COL22A1: variants seen among roughly 807,000 people sequenced by gnomAD.
COL22A1 encodes collagen alpha-1(XXII) chain.
A neutral mutation model predicts 248.9 loss-of-function variants in COL22A1; 221 were observed. The observed-to-expected ratio is 0.89, with a 90% CI of 0.80 to 0.99. The LOEUF (loss-of-function observed/expected upper bound fraction) is 0.99, where lower values mean the gene tolerates loss of function less well. Among genes scored for constraint, COL22A1 ranks in the 50% least tolerant of loss-of-function variants. COL22A1 has a pLI of 0.00. For missense variants in COL22A1, 2,240 were observed against 2,179.0 expected (o/e 1.03, Z -0.56); for synonymous variants, 891 against 793.4 (o/e 1.12, Z -2.07).
chr8:138,829,716 A>G (rs1035687355), intron 5 of COL22A1, among the ~76,000 whole-genome samples: 7 of 152,206 alleles, frequency 4.6e-5, no homozygotes, highest in Non-Finnish European at 1.0e-4. Context: ...CTAGGATTAC[A>G]GACATGAGCC....
chr8:138,777,064 G>T (rs771256713), intron 15 of COL22A1, among the ~76,000 whole-genome samples: 10 of 152,202 alleles, frequency 6.6e-5, no homozygotes, highest in Non-Finnish European at 1.3e-4. Context: ...CGCAGGGTAG[G>T]GACCTCCAGG....
chr8:138,602,919 T>G (rs922587421), intron 59 of COL22A1, among the ~76,000 whole-genome samples: 4 of 152,226 alleles, frequency 2.6e-5, no homozygotes, highest in African/African-American at 9.7e-5. Flanking sequence ...CTAACTTTCT[T>G]TCTCCCCAGA....
intron 31 of COL22A1, among the ~76,000 whole-genome samples, chr8:138,702,724 A>G: frequency 6.6e-6 from 1 of 152,236 alleles, no homozygotes; most frequent in East Asian, 1.9e-4. Context: ...ATGCACCAGA[A>G]ACTCTGCCAA....
chr8:138,677,311 C>T (rs1457180284), intron 40 of COL22A1, among the ~76,000 whole-genome samples: 1 of 152,228 alleles, frequency 6.6e-6, no homozygotes, highest in East Asian at 1.9e-4. Flanking sequence ...AGATGTTGTG[C>T]TCACTCTATG....
At chr8:138,740,479 G>C (rs1162018019) in intron 22 of COL22A1, among the ~76,000 whole-genome samples, 2 of 152,150 alleles carry the variant, frequency 1.3e-5, no homozygotes, top group African/African-American at 4.8e-5. Context: ...CGCTTCCTGA[G>C]CTGACCCCAG....
chr8:138,891,520 C>T (rs759928413), intron 1 of COL22A1, among the ~76,000 whole-genome samples: 1 of 152,168 alleles, frequency 6.6e-6, no homozygotes. Flanking sequence ...ACTTTAAGGG[C>T]TTTATAAATA....
chr8:138,611,752 T>C (rs1435643678), intron 56 of COL22A1, among the ~76,000 whole-genome samples: 1 of 152,190 alleles, frequency 6.6e-6, no homozygotes, highest in Non-Finnish European at 1.5e-5. Flanking sequence ...TGTGGCCCCA[T>C]CAGGGGAGAC....
At chr8:138,821,013 G>T in intron 7 of COL22A1, 123 bp downstream of exon 7, 2 of 1,071,160 alleles carry the variant, frequency 1.9e-6, no homozygotes, top group South Asian at 1.6e-5. Flanking sequence ...CTTCTAAGAC[G>T]GTCCAAGGTG....
At position 138,833,326 on chromosome 8, in the gene COL22A1, G is replaced by A. The variant is rs144827901; in HGVS notation, c.734-176C>T. 1.2e-4 allele frequency among the ~76,000 whole-genome samples: 19 copies of A among 152,362 alleles called. No homozygotes were observed. In the East Asian group the frequency reaches 3.1e-3, roughly 25 times the overall value. On this transcript the variant is annotated intron_variant, in intron 4 of 64. Coordinates refer to ENST00000303045, the MANE Select transcript of COL22A1 (RefSeq NM_152888.3). ...GAAAACACAAGCACCCGAGTAATGG[G>A]ACGTATAGCCTTGGCTTCAACTCCA... is the stretch of plus-strand genomic sequence containing the variant.
intron 3 of COL22A1, among the ~76,000 whole-genome samples, chr8:138,873,912 G>A (rs1823529181): frequency 6.6e-6 from 1 of 152,138 alleles, no homozygotes; most frequent in Non-Finnish European, 1.5e-5. Flanking sequence ...AAAAAACCCT[G>A]ATATTTTTAG....
At chr8:138,843,743 A>C (rs1821046000) in intron 4 of COL22A1, among the ~76,000 whole-genome samples, 2 of 152,134 alleles carry the variant, frequency 1.3e-5, no homozygotes, top group African/African-American at 4.8e-5. Flanking sequence ...TCACTCCAAA[A>C]CACATTTATT....
At chr8:138,710,612 T>TAG (rs1198748486) in intron 30 of COL22A1, among the ~76,000 whole-genome samples, 102 of 140,200 alleles carry the variant, frequency 7.3e-4, no homozygotes, top group African/African-American at 2.3e-3. Context: ...TCTATCTATA[T>TAG]ATATATATCT....
At chr8:138,732,002 G>A (rs1830747085) in intron 23 of COL22A1, among the ~76,000 whole-genome samples, 1 of 152,136 alleles carries the variant, frequency 6.6e-6, no homozygotes, top group Non-Finnish European at 1.5e-5. Context: ...TTACCTCACT[G>A]GTAAGTTTCC....
intron 62 of COL22A1, 33 bp from the exon 63 acceptor site, chr8:138,594,232 A>G: frequency 6.4e-7 from 1 of 1,551,118 alleles, no homozygotes; most frequent in East Asian, 2.5e-5. Flanking sequence ...CATTTCATGA[A>G]GAACAGATAG....
At chr8:138,838,333 C>T (rs1227694009) in intron 4 of COL22A1, among the ~76,000 whole-genome samples, 1 of 152,070 alleles carries the variant, frequency 6.6e-6, no homozygotes, top group African/African-American at 2.4e-5. Flanking sequence ...CACACACTCA[C>T]TGAGGGATGA....
In COL22A1 at chr8:138,727,162, C is replaced by T. The variant is rs193293936; in HGVS notation, c.2140-1722G>A. Among the ~76,000 whole-genome samples, 7 of 152,254 alleles carry T rather than the reference C, an allele frequency of 4.6e-5. No homozygotes were observed. In the East Asian group the frequency reaches 1.2e-3, roughly 25 times the overall value. On this transcript the variant is annotated intron_variant, in intron 23 of 64. Coordinates refer to ENST00000303045, the MANE Select transcript of COL22A1 (RefSeq NM_152888.3). ...TTCTAAAGGGTAGTGCTCTTCCAAGCGAGTTCACCACGCCCTCCTCCCTCA... is the reference window on the plus strand; with the variant it reads ...TTCTAAAGGGTAGTGCTCTTCCAAGTGAGTTCACCACGCCCTCCTCCCTCA...
chr8:138,618,229 C>T (rs1056732399), intron 53 of COL22A1, among the ~76,000 whole-genome samples: 2 of 152,202 alleles, frequency 1.3e-5, no homozygotes, highest in Non-Finnish European at 2.9e-5. Flanking sequence ...ATCAAGGTCA[C>T]AAAGTCAATA....
At chr8:138,596,843 A>G in intron 62 of COL22A1, 61 bp downstream of exon 62, 1 of 1,483,846 alleles carries the variant, frequency 6.7e-7, no homozygotes, top group Non-Finnish European at 9.4e-7. Context: ...TTCAAGGCTG[A>G]GTGAGAGAAC....
chr8:138,765,528 C>T (rs1023156868), intron 16 of COL22A1, among the ~76,000 whole-genome samples: 5 of 152,170 alleles, frequency 3.3e-5, no homozygotes, highest in Non-Finnish European at 7.3e-5. Flanking sequence ...TAGGCTGAGG[C>T]GGACATCCGG....
Sources: gnomAD v4.1 joint callset for allele counts (sites outside exome capture counted in the v4.1 genomes callset) on GRCh38, gnomAD v4.1.1 for gene constraint, MANE v1.5 for transcripts, NCBI Gene and HGNC (gene_info 2026-07-23, HGNC 2026-07-21) for gene names.